Variants in ASAP1 observed in about 807,000 individuals in gnomAD.
The protein encoded by ASAP1 is arf-GAP with SH3 domain, ANK repeat and PH domain-containing protein 1.
In ASAP1, 43 loss-of-function variants were observed where a neutral mutation model predicts 145.2. The observed-to-expected ratio is 0.30, with a 90% CI of 0.23 to 0.38. The LOEUF is 0.38. ASAP1 is among the 10% of genes least tolerant of loss of function. ASAP1 has a pLI of 1.00. For missense variants in ASAP1, 1,018 were observed against 1,355.3 expected (o/e 0.75, Z 3.91); for synonymous variants, 546 against 515.5 (o/e 1.06, Z -0.80).
At chr8:130,428,194 T>G (rs1829996051) in intron 1 of ASAP1, among the ~76,000 whole-genome samples, 1 of 152,022 alleles carries the variant, frequency 6.6e-6, no homozygotes, top group African/African-American at 2.4e-5. Flanking sequence ...TCAGTGTCCA[T>G]CTCACTCTCT....
intron 1 of ASAP1, among the ~76,000 whole-genome samples, chr8:130,430,192 AG>A (rs1408662202): frequency 9.2e-5 from 14 of 152,364 alleles, no homozygotes; most frequent in African/African-American, 3.1e-4. Context: ...AAAGGAACAA[AG>A]GAATAATTCA....
At chr8:130,136,029 C>T (rs2097593824) in intron 14 of ASAP1, among the ~76,000 whole-genome samples, 1 of 152,152 alleles carries the variant, frequency 6.6e-6, no homozygotes, top group African/African-American at 2.4e-5. Flanking sequence ...AGATCATCCA[C>T]TTTGGCTGTG....
intron 5 of ASAP1, among the ~76,000 whole-genome samples, chr8:130,209,144 AG>A (rs1479846426): frequency 6.6e-6 from 1 of 152,132 alleles, no homozygotes; most frequent in Non-Finnish European, 1.5e-5. Flanking sequence ...GTGTGTACAA[AG>A]GACTTTGCAG....
At chr8:130,136,862 C>G in intron 14 of ASAP1, 89 bp downstream of exon 14, 1 of 1,116,188 alleles carries the variant, frequency 9.0e-7, no homozygotes. Flanking sequence ...GTGAGGAGCC[C>G]TGCTTGGAAA....
At chr8:130,235,383 G>A (rs910520665) in intron 4 of ASAP1, among the ~76,000 whole-genome samples, 1 of 152,012 alleles carries the variant, frequency 6.6e-6, no homozygotes, top group African/African-American at 2.4e-5. Context: ...TTATCAAAAA[G>A]TGAACTTTAC....
chr8:130,091,852 G>T, intron 25 of ASAP1, 121 bp downstream of exon 25: 1 of 1,088,330 alleles, frequency 9.2e-7, no homozygotes, highest in South Asian at 2.1e-5. Context: ...ACCCGAGTCA[G>T]CACCCAGCAT....
At chr8:130,107,968 G>C (rs541324115) in intron 24 of ASAP1, among the ~76,000 whole-genome samples, 2 of 152,320 alleles carry the variant, frequency 1.3e-5, no homozygotes, top group Non-Finnish European at 2.9e-5. Context: ...GCTTGACACA[G>C]ACTGATCTGC....
chr8:130,290,756 T>C (rs1232627019), intron 3 of ASAP1, among the ~76,000 whole-genome samples: 1 of 152,226 alleles, frequency 6.6e-6, no homozygotes, highest in Non-Finnish European at 1.5e-5. Flanking sequence ...TGACAAATCC[T>C]TAACAGGATA....
At chr8:130,165,348 A>C (rs1295286922) in intron 11 of ASAP1, among the ~76,000 whole-genome samples, 1 of 152,154 alleles carries the variant, frequency 6.6e-6, no homozygotes, top group African/African-American at 2.4e-5. Context: ...ACAATAAACA[A>C]AAAAACCCCA....
At chr8:130,062,375 G>A (rs1048298601) in intron 27 of ASAP1, among the ~76,000 whole-genome samples, 2 of 152,196 alleles carry the variant, frequency 1.3e-5, no homozygotes, top group African/African-American at 4.8e-5. Flanking sequence ...CTCATGACCT[G>A]TCTAGTCATA....
intron 25 of ASAP1, among the ~76,000 whole-genome samples, chr8:130,090,397 A>C (rs989781524): frequency 1.3e-5 from 2 of 152,204 alleles, no homozygotes; most frequent in African/African-American, 4.8e-5. Flanking sequence ...CTTTTTGATG[A>C]AATCTGGGGA....
intron 9 of ASAP1, among the ~76,000 whole-genome samples, chr8:130,169,448 G>A (rs905084165): frequency 1.3e-5 from 2 of 152,200 alleles, no homozygotes; most frequent in South Asian, 2.1e-4. Flanking sequence ...ACATTAACCA[G>A]TGGAATATCA....
intron 3 of ASAP1, among the ~76,000 whole-genome samples, chr8:130,278,816 C>G (rs1461282217): frequency 6.6e-6 from 1 of 152,192 alleles, no homozygotes; most frequent in Non-Finnish European, 1.5e-5. Context: ...AGTAACCACT[C>G]TGGGGGCAGA....
rs1157574565 is a variant in ASAP1, at chr8:130,090,902, A to C, written c.2572+1071T>G. ...AACTCAAAACACAAAAAATATGAAG[A>C]AAGCCACAATGAAACTCCACAGCAG... On this transcript the variant is annotated intron_variant, in intron 25 of 29. Transcript: ENST00000518721. 2.6e-5 allele frequency among the ~76,000 whole-genome samples: 4 copies of C among 152,356 alleles called. No individual in the cohort carries two copies. The East Asian group carries it at 5.8e-4, about 22-fold the overall frequency.
chr8:130,153,981 C>T (rs1460387442), intron 12 of ASAP1, among the ~76,000 whole-genome samples: 3 of 152,072 alleles, frequency 2.0e-5, no homozygotes, highest in Non-Finnish European at 2.9e-5. Context: ...ACTGCTTCAG[C>T]CCAGGAGTTC....
intron 14 of ASAP1, 60 bp downstream of exon 14, chr8:130,136,891 T>C: frequency 7.1e-7 from 1 of 1,402,604 alleles, no homozygotes; most frequent in Non-Finnish European, 1.0e-6. Flanking sequence ...ACCTGGAGAA[T>C]GGAAATGTGC....
intron 2 of ASAP1, among the ~76,000 whole-genome samples, chr8:130,390,932 A>AT (rs1554902140): frequency 0.026 from 3,634 of 137,906 alleles, 72 homozygotes; most frequent in African/African-American, 0.054. Flanking sequence ...CTGGGTATAT[A>AT]TCCCCCGCCC....
At chr8:130,181,085 T>C (rs1814328058) in intron 7 of ASAP1, among the ~76,000 whole-genome samples, 1 of 152,038 alleles carries the variant, frequency 6.6e-6, no homozygotes, top group Non-Finnish European at 1.5e-5. Context: ...ATATGGGAAC[T>C]CTCTTGTATC....
intron 27 of ASAP1, among the ~76,000 whole-genome samples, chr8:130,063,549 A>C (rs771045889): frequency 1.5e-4 from 23 of 152,184 alleles, no homozygotes; most frequent in Non-Finnish European, 2.8e-4. Context: ...TCTGGGCAGG[A>C]GAGAGATGGG....
Sources: gnomAD v4.1 joint callset for allele counts (sites outside exome capture counted in the v4.1 genomes callset) on GRCh38, gnomAD v4.1.1 for gene constraint, MANE v1.5 for transcripts, NCBI Gene and HGNC (gene_info 2026-07-23, HGNC 2026-07-21) for gene names.